The following SLC17A4 variants were observed in gnomAD, a reference collection of about 807,000 sequenced individuals.
SLC17A4 encodes probable small intestine urate exporter.
Under a neutral mutation model 52.5 loss-of-function variants are expected in SLC17A4, and 33 were observed. The observed-to-expected ratio is 0.63, with a 90% confidence interval of 0.48 to 0.84. The LOEUF is 0.84. Among genes scored for constraint, SLC17A4 ranks in the 40% least tolerant of loss-of-function variants. The pLI, the probability that SLC17A4 is intolerant of heterozygous loss-of-function variation, is 0.00. For synonymous variants in SLC17A4, 225 were observed against 216.2 expected (o/e 1.04, Z -0.36); for missense variants, 585 against 597.1 (o/e 0.98, Z 0.21).
chr6:25,771,950 T>TA (rs1002536230), intron 6 of SLC17A4, among the ~76,000 whole-genome samples: 1 of 152,192 alleles, frequency 6.6e-6, no homozygotes, highest in African/African-American at 2.4e-5. Flanking sequence ...TAGCTGCTGT[T>TA]ACCTTTAGTT....
intron 8 of SLC17A4, among the ~76,000 whole-genome samples, 192 bp from the exon 9 acceptor site, chr6:25,776,403 T>C (rs147966064): frequency 1.5e-3 from 221 of 152,288 alleles, no homozygotes; most frequent in African/African-American, 5.1e-3. Flanking sequence ...CTTGTTCTTT[T>C]TTTTTTGCAA....
chr6:25,778,054 A>G (rs377675114), intron 11 of SLC17A4, 38 bp downstream of exon 11: 1 of 1,544,662 alleles, frequency 6.5e-7, no homozygotes, highest in African/African-American at 1.4e-5. Context: ...CATAAAAGAA[A>G]CCTATAGAGG....
Position 25,761,582 on chromosome 6 carries a change from G to C in SLC17A4, c.-36-345G>C, listed in dbSNP as rs527876588. On this transcript the variant is annotated intron_variant, in intron 1 of 11. Coordinates refer to ENST00000377905, the MANE Select transcript of SLC17A4 (RefSeq NM_005495.3). Reference sequence around the variant, plus strand: ...TAATTTAATCCACTGGAATCTCCTAGATGAAATTTCAAATAAGGTTGTCAA... The same window carrying C: ...TAATTTAATCCACTGGAATCTCCTACATGAAATTTCAAATAAGGTTGTCAA... Among the ~76,000 whole-genome samples, 25 of 152,262 alleles carry C rather than the reference G, an allele frequency of 1.6e-4. No homozygotes were observed. The East Asian group carries it at 4.8e-3, about 29-fold the overall frequency.
At chr6:25,770,834 C>T (rs1582702554) in intron 5 of SLC17A4, 92 bp from the exon 6 acceptor site, 5 of 983,344 alleles carry the variant, frequency 5.1e-6, no homozygotes, top group Non-Finnish European at 8.2e-6. Context: ...AAACTCATAC[C>T]TTCACTCACT....
rs773238999 is a variant in SLC17A4, at chr6:25,773,520, C to A, written c.833C>A (p.Ser278Ter). The A allele has an allele frequency of 1.2e-6, 2 of 1,613,598 alleles. No individual in the cohort carries two copies. Among genetic ancestry groups the A allele is most frequent in the Admixed American group, 3.3e-5 (2 of 59,948 alleles). Residue 278 changes from serine (S) to a stop codon, truncating the protein, a stop_gained, in exon 8 of 12, where the codon TCA (serine) becomes TAA (stop). Coordinates refer to ENST00000377905, the MANE Select transcript of SLC17A4 (RefSeq NM_005495.3). LOFTEE classifies it high-confidence loss of function. The stretch of plus-strand genomic sequence containing the variant: ...ATGTGTGCTTTCTTCCAGGACTGTT[C>A]ACCAGGCTGGTCTCTTCCCATTAGG... ...IVCSLAQQDCSPGWSLPIRAM... is the reference protein window; with the variant it reads ...IVCSLAQQDC
At chr6:25,757,711 A>G (rs559932669) in intron 1 of SLC17A4, among the ~76,000 whole-genome samples, 2 of 152,262 alleles carry the variant, frequency 1.3e-5, no homozygotes, top group East Asian at 3.9e-4. Context: ...AGCAAGAAGC[A>G]GGAAGTGTCT....
In SLC17A4 at chr6:25,779,062, G is replaced by A. The variant is rs1490397626; in HGVS notation, c.1368G>A (p.Glu456=). ...TAATTTTCTGCCTCCAGGATTCAGA[G>A]TTTGGTTGGAGAAATGTCTTCTTGC... The part of the protein sequence containing the change: ...AAGFFISQDS[E]FGWRNVFLLS... Residue 456 remains glutamate (E), a synonymous_variant, in exon 12 of 12, where the codon GAG becomes GAA. Coordinates refer to ENST00000377905, the MANE Select transcript of SLC17A4 (RefSeq NM_005495.3). 1 of 1,613,660 alleles carries A rather than the reference G, an allele frequency of 6.2e-7. No individual in the cohort carries two copies. Among genetic ancestry groups the A allele is most frequent in the Non-Finnish European group, 8.5e-7 (1 of 1,179,736 alleles).
At chr6:25,768,364 G>C in intron 2 of SLC17A4, 1 of 985,710 alleles carries the variant, frequency 1.0e-6, no homozygotes, top group Non-Finnish European at 1.2e-6. Flanking sequence ...TCCCGCTGTT[G>C]TCAAACTAAT....
chr6:25,766,598 G>A (rs1345020942), intron 2 of SLC17A4, among the ~76,000 whole-genome samples: 2 of 152,156 alleles, frequency 1.3e-5, no homozygotes, highest in Non-Finnish European at 2.9e-5. Flanking sequence ...CAACTCAACA[G>A]TAAGAAGTCT....
chr6:25,770,161 T>C lies in SLC17A4; in HGVS notation c.392T>C (p.Val131Ala). 4.3e-6 allele frequency: 7 copies of C among 1,614,126 alleles called. No homozygotes were observed. The highest frequency in any genetic ancestry group is 5.9e-6 in the Non-Finnish European group (7 of 1,179,994). Residue 131 changes from valine (V) to alanine (A), a missense_variant, in exon 4 of 12, where the codon GTG becomes GCG. Transcript: ENST00000377905. ...SFLAPIPSGYVAGIFGAKYVV... is the reference protein window; with the variant it reads ...SFLAPIPSGYAAGIFGAKYVV... ...TTGGCTCCAATCCCCAGTGGCTATG[T>C]GGCTGGAATATTTGGAGCCAAGTAT...
At chr6:25,764,614 G>C (rs2186087) in intron 2 of SLC17A4, among the ~76,000 whole-genome samples, 15,836 of 152,254 alleles carry the variant, frequency 0.1, 1,044 homozygotes, top group Middle Eastern at 0.16. Flanking sequence ...AGGGTGCAGT[G>C]TTATAGGAAG....
chr6:25,778,773 G>A (rs1763146516), intron 11 of SLC17A4, among the ~76,000 whole-genome samples: 2 of 152,194 alleles, frequency 1.3e-5, no homozygotes, highest in African/African-American at 2.4e-5. Flanking sequence ...AGGACTCACC[G>A]TAATCACTTG....
At chr6:25,760,046 G>A (rs1199615754) in intron 1 of SLC17A4, among the ~76,000 whole-genome samples, 1 of 152,156 alleles carries the variant, frequency 6.6e-6, no homozygotes, top group Non-Finnish European at 1.5e-5. Context: ...ACAAGTGGGA[G>A]GATGCAGCTT....
intron 1 of SLC17A4, among the ~76,000 whole-genome samples, chr6:25,760,625 C>A (rs1761449861): frequency 6.6e-6 from 1 of 152,148 alleles, no homozygotes; most frequent in Non-Finnish European, 1.5e-5. Context: ...GACCTTTTCA[C>A]TCCATTTTCC....
At chr6:25,759,027 T>A (rs1416099757) in intron 1 of SLC17A4, among the ~76,000 whole-genome samples, 1 of 152,338 alleles carries the variant, frequency 6.6e-6, no homozygotes, top group East Asian at 1.9e-4. Context: ...AAGAATTTTT[T>A]AATTTTCATC....
intron 1 of SLC17A4, among the ~76,000 whole-genome samples, chr6:25,755,683 A>G (rs965659460): frequency 3.3e-5 from 5 of 152,214 alleles, no homozygotes; most frequent in African/African-American, 1.2e-4. Context: ...TCACACATTT[A>G]TATTTCTACA....
rs1433329674 is a variant in SLC17A4, at chr6:25,770,145, A to G, written c.376A>G (p.Ile126Val). The change falls in exon 4 of 12, where the codon ATC becomes GTC. Residue 126 changes from isoleucine to valine, a missense_variant. Transcript: ENST00000377905. ...CAACTATGGCTCATTCTTGGCTCCA[A>G]TCCCCAGTGGCTATGTGGCTGGAAT... is the stretch of plus-strand genomic sequence containing the variant. Reference protein sequence around the residue: ...SLNYGSFLAPIPSGYVAGIFG... With the variant: ...SLNYGSFLAPVPSGYVAGIFG... 53 of 1,613,968 alleles carry G rather than the reference A, an allele frequency of 3.3e-5. No individual in the cohort carries two copies. Among genetic ancestry groups the G allele is most frequent in the Non-Finnish European group, 4.4e-5 (52 of 1,180,002 alleles).
chr6:25,770,673 A>G (rs374245762), intron 5 of SLC17A4, among the ~76,000 whole-genome samples: 5 of 152,366 alleles, frequency 3.3e-5, no homozygotes, highest in African/African-American at 7.2e-5. Context: ...TGTTTTGCAC[A>G]TATTTTCATC....
Position 25,768,459 on chromosome 6 carries a change from G to A in SLC17A4, c.92-526G>A, listed in dbSNP as rs1300307872. On this transcript the variant is annotated intron_variant, in intron 2 of 11. Coordinates refer to ENST00000377905, the MANE Select transcript of SLC17A4 (RefSeq NM_005495.3). Reference sequence around the variant, plus strand: ...GTGTAAGCATAGATTATAGTATTAAGATGAAGTTTAAATACTTCTATGATC... The same window carrying A: ...GTGTAAGCATAGATTATAGTATTAAAATGAAGTTTAAATACTTCTATGATC... The A allele has an allele frequency of 4.6e-6, 4 of 869,402 alleles. No homozygotes were observed. In the African/African-American group the frequency reaches 7.3e-5, roughly 16 times the overall value. The allele number at this position is 869,402 out of a possible 1,614,324, so 53.9% of individuals were successfully genotyped here. A position where few individuals can be genotyped will look rare whatever the true frequency, so the allele number is the denominator to read the frequency against.
Sources: allele counts gnomAD v4.1 joint callset (sites outside exome capture counted in the v4.1 genomes callset), GRCh38; gene constraint gnomAD v4.1.1; transcripts MANE v1.5; gene names NCBI Gene and HGNC (gene_info 2026-07-23, HGNC 2026-07-21).